Variants in UROC1 observed in about 807,000 individuals in gnomAD.
UROC1 encodes the protein urocanate hydratase.
Under a neutral mutation model 89.5 loss-of-function variants are expected in UROC1, and 79 were observed. That is an observed-to-expected ratio of 0.88 (90% confidence interval 0.74 to 1.06). UROC1 has a LOEUF of 1.06. UROC1 is among the 50% of genes least tolerant of loss of function. The pLI is 0.00. For synonymous variants in UROC1, 361 were observed against 354.8 expected (o/e 1.02, Z -0.20); for missense variants, 885 against 907.8 (o/e 0.97, Z 0.32).
chr3:126,492,308 C>T (rs907621210), intron 16 of UROC1, 110 bp downstream of exon 16: 6 of 1,089,908 alleles, frequency 5.5e-6, no homozygotes, highest in East Asian at 2.6e-5. Flanking sequence ...GGTGTCTCCC[C>T]ACCCAGAAGG....
chr3:126,488,015 C>T (rs1935555318), intron 18 of UROC1, among the ~76,000 whole-genome samples, 183 bp downstream of exon 18: 2 of 152,170 alleles, frequency 1.3e-5, no homozygotes, highest in Admixed American at 1.3e-4. Context: ...TGCAAGTCCT[C>T]TCCTGAAGTT....
intron 15 of UROC1, among the ~76,000 whole-genome samples, chr3:126,494,787 T>C (rs985654525): frequency 6.6e-6 from 1 of 152,172 alleles, no homozygotes; most frequent in Admixed American, 6.5e-5. Flanking sequence ...ATGCACATGC[T>C]GGACCCCTTC....
At position 126,489,992 on chromosome 3, in the gene UROC1, C is replaced by A. The variant is rs189264177; in HGVS notation, c.1609-617G>T. The stretch of plus-strand genomic sequence containing the variant: ...TGGCCCCTGACCTGTGCAATAGAGA[C>A]GTGGCTGGCTGATGGCCTGGAGGTG... On this transcript the variant is annotated intron_variant, in intron 16 of 19. Coordinates refer to ENST00000290868, the MANE Select transcript of UROC1 (RefSeq NM_144639.3). Among the ~76,000 whole-genome samples, 25 of 152,220 alleles carry A rather than the reference C, an allele frequency of 1.6e-4. 1 individual carries two copies. Among genetic ancestry groups the A allele is most frequent in the Middle Eastern group, 6.8e-3 (2 of 294 alleles).
rs754054129 is a variant in UROC1 at position 126,488,214 on chromosome 3, C to T, written c.1774G>A (p.Gly592Arg). The change falls in exon 18 of 20, where the codon GGA becomes AGA. Residue 592 changes from glycine (G) to arginine (R), a missense_variant. Transcript: ENST00000290868. ...RGATWVALHN[G>R]GGVGWGEVIN... ...CCTTCTTACCAGCCCACGCCCCCTC[C>T]GTTGTGAAGGGCGACCCAGGTGGCT... 5.6e-6 allele frequency: 9 copies of T among 1,614,242 alleles called. No individual in the cohort carries two copies. The highest frequency in any genetic ancestry group is 5.9e-6 in the Non-Finnish European group (7 of 1,180,044).
At chr3:126,492,544 C>A in intron 15 of UROC1, 28 bp from the exon 16 acceptor site, 1 of 1,583,620 alleles carries the variant, frequency 6.3e-7, no homozygotes, top group Non-Finnish European at 8.6e-7. Context: ...ACTGGCATCT[C>A]AGCCAACATA....
intron 14 of UROC1, 119 bp downstream of exon 14, chr3:126,497,932 C>A: frequency 6.4e-7 from 1 of 1,573,250 alleles, no homozygotes; most frequent in South Asian, 1.1e-5. Context: ...ACAAAGTCAT[C>A]TGCGCCCAGG....
rs1193880771 is a variant in UROC1 at position 126,509,608 on chromosome 3, T to C, written c.328A>G (p.Asn110Asp). 1 of 1,552,026 alleles carries C rather than the reference T, an allele frequency of 6.4e-7. No individual in the cohort carries two copies. The highest frequency in any genetic ancestry group is 1.2e-5 in the South Asian group (1 of 84,084). Residue 110 changes from asparagine (N) to aspartate (D), a missense_variant, in exon 3 of 20, where the codon AAC (asparagine) becomes GAC (aspartate). Transcript: ENST00000290868. Reference sequence around the variant, plus strand: ...ACCTGGGCCACGGCAGGATCCAGGTTGTTCATAATCATGTGCATGATGGCG... The same window carrying C: ...ACCTGGGCCACGGCAGGATCCAGGTCGTTCATAATCATGTGCATGATGGCG... Reference protein sequence around the residue: ...AAAIMHMIMNNLDPAVAQFPQ... With the variant: ...AAAIMHMIMNDLDPAVAQFPQ...
intron 10 of UROC1, among the ~76,000 whole-genome samples, 157 bp from the exon 11 acceptor site, chr3:126,501,031 G>A (rs747333226): frequency 6.6e-5 from 10 of 152,208 alleles, no homozygotes; most frequent in African/African-American, 1.7e-4. Flanking sequence ...GAGAACCTAC[G>A]GGAAGGCTGT....
At chr3:126,509,225 GA>G (rs1257012423) in intron 3 of UROC1, among the ~76,000 whole-genome samples, 14 of 145,970 alleles carry the variant, frequency 9.6e-5, no homozygotes, top group African/African-American at 3.6e-4. Flanking sequence ...CACAGAGTGA[GA>G]CCCTGTCTCT....
chr3:126,513,819 C>T (rs1361844538), intron 1 of UROC1, among the ~76,000 whole-genome samples: 3 of 152,104 alleles, frequency 2.0e-5, no homozygotes, highest in Non-Finnish European at 4.4e-5. Context: ...AGTAGGTATG[C>T]CCCTATTCAG....
At position 126,510,654 on chromosome 3, in the gene UROC1, CA is replaced by C; in HGVS notation, c.257+9del. 6.2e-7 allele frequency: 1 copy of C among 1,613,840 alleles called. No individual in the cohort carries two copies. Among genetic ancestry groups the C allele is most frequent in the Non-Finnish European group, 8.5e-7 (1 of 1,180,010 alleles). On this transcript the variant is annotated intron_variant, in intron 2 of 19. Transcript: ENST00000290868. ...TCGGGTCCCTTTGAAGCTGTACCCACAAGGCTGACCTCATTTCAATGTCGGG... is the reference window on the plus strand; with the variant it reads ...TCGGGTCCCTTTGAAGCTGTACCCACAGGCTGACCTCATTTCAATGTCGGG...
At chr3:126,514,824 G>A (rs1936264713) in intron 1 of UROC1, among the ~76,000 whole-genome samples, 1 of 151,816 alleles carries the variant, frequency 6.6e-6, no homozygotes, top group African/African-American at 2.4e-5. Flanking sequence ...TGGTGTCATT[G>A]TTTTCATCTT....
chr3:126,507,771 A>T lies in UROC1; in HGVS notation c.573T>A (p.Tyr191Ter). ...VIPNYSSRTE[Y>*]EKLFALGVTM... Reference sequence around the variant, plus strand: ...TAACCCCCAAGGCAAAGAGCTTCTCATACTCCGTCCGGGAGGAGTAGTTGG... The same window carrying T: ...TAACCCCCAAGGCAAAGAGCTTCTCTTACTCCGTCCGGGAGGAGTAGTTGG... Residue 191 changes from tyrosine to a stop codon, truncating the protein, a stop_gained, in exon 6 of 20, where the codon TAT (tyrosine) becomes TAA (stop). Transcript: ENST00000290868. LOFTEE classifies it high-confidence loss of function. The T allele has an allele frequency of 6.2e-7, 1 of 1,614,102 alleles. No individual in the cohort carries two copies. Among genetic ancestry groups the T allele is most frequent in the African/African-American group, 1.3e-5 (1 of 75,046 alleles).
Position 126,508,074 on chromosome 3 carries a change from A to G in UROC1, c.433T>C (p.Leu145=), listed in dbSNP as rs1000784464. Reference sequence around the variant, plus strand: ...GTCTGCTCCTCTGTCATCTTCGACAAGTAGAACATGGTCAGCCAGAACTGG... The same window carrying G: ...GTCTGCTCCTCTGTCATCTTCGACAGGTAGAACATGGTCAGCCAGAACTGG... ...WAQFWLTMFY[L]SKMTEEQTLV... Residue 145 remains leucine (L), a synonymous_variant, in exon 5 of 20, where the codon TTG becomes CTG. Transcript: ENST00000290868. The G allele has an allele frequency of 1.9e-6, 3 of 1,613,848 alleles. No homozygotes were observed. Among genetic ancestry groups the G allele is most frequent in the African/African-American group, 1.3e-5 (1 of 74,916 alleles).
Position 126,508,403 on chromosome 3 carries a change from C to G in UROC1, c.411+13G>C, listed in dbSNP as rs778870657. ...GGCCAGGGGTGGGGACGAGGCCACACGGTGTGCAGTACCTGAGCCCAGTTG... is the reference window on the plus strand; with the variant it reads ...GGCCAGGGGTGGGGACGAGGCCACAGGGTGTGCAGTACCTGAGCCCAGTTG... On this transcript the variant is annotated intron_variant, in intron 4 of 19. Coordinates refer to ENST00000290868, the MANE Select transcript of UROC1 (RefSeq NM_144639.3). The G allele has an allele frequency of 3.1e-6, 5 of 1,613,102 alleles. No homozygotes were observed. The Admixed American group carries it at 6.7e-5, about 22-fold the overall frequency.
chr3:126,499,314 T>A (rs1006747359), intron 13 of UROC1, 23 bp downstream of exon 13: 4 of 1,607,378 alleles, frequency 2.5e-6, no homozygotes, highest in African/African-American at 1.4e-5. Flanking sequence ...GCACACTAGA[T>A]GTGGCAGCCG....
chr3:126,484,415 G>A (rs774358422), intron 18 of UROC1, among the ~76,000 whole-genome samples: 22 of 152,180 alleles, frequency 1.4e-4, no homozygotes, highest in Non-Finnish European at 2.2e-4. Context: ...TTTTGTAAAC[G>A]CCTGTCGTTG....
chr3:126,512,178 T>C (rs1004509683), intron 1 of UROC1, among the ~76,000 whole-genome samples: 1 of 152,218 alleles, frequency 6.6e-6, no homozygotes, highest in African/African-American at 2.4e-5. Flanking sequence ...TCGTGTGACC[T>C]GCCAAGGCCC....
rs373247985 is a variant in UROC1 at position 126,499,333 on chromosome 3, T to G, written c.1316+4A>C. 3.1e-6 allele frequency: 5 copies of G among 1,609,568 alleles called. No individual in the cohort carries two copies. Among genetic ancestry groups the G allele is most frequent in the Non-Finnish European group, 4.2e-6 (5 of 1,179,182 alleles). On this transcript the variant is annotated splice_donor_region_variant and intron_variant, in intron 13 of 19. Transcript: ENST00000290868. Reference sequence around the variant, plus strand: ...ACTAGATGTGGCAGCCGCCCATCACTCACCCCATGATGTGCTGCACATAGG... The same window carrying G: ...ACTAGATGTGGCAGCCGCCCATCACGCACCCCATGATGTGCTGCACATAGG...
Sources: allele counts gnomAD v4.1 joint callset (sites outside exome capture counted in the v4.1 genomes callset), GRCh38; gene constraint gnomAD v4.1.1; transcripts MANE v1.5; gene names NCBI Gene and HGNC (gene_info 2026-07-23, HGNC 2026-07-21).